SNTG2: variants seen among roughly 807,000 people sequenced by gnomAD.
SNTG2 encodes the protein gamma-2-syntrophin.
In SNTG2, 74 loss-of-function variants were observed where a neutral mutation model predicts 70.9. The observed-to-expected ratio is 1.04, with a 90% CI of 0.86 to 1.27. SNTG2 has a LOEUF of 1.27. Ranked by LOEUF, SNTG2 falls within the 50% of genes most tolerant of loss-of-function variation. The pLI, the probability that SNTG2 is intolerant of heterozygous loss-of-function variation, is 0.00. For synonymous variants in SNTG2, 278 were observed against 273.8 expected, an observed-to-expected ratio of 1.02 and a Z score of -0.15; for missense variants, 717 against 690.7, an observed-to-expected ratio of 1.04 and a Z score of -0.43.
intron 9 of SNTG2, among the ~76,000 whole-genome samples, chr2:1,230,321 C>T (rs928782718): frequency 2.6e-5 from 4 of 152,170 alleles, no homozygotes; most frequent in Admixed American, 6.5e-5. Flanking sequence ...CAGCCAGGAT[C>T]AGAGGGACGG....
chr2:952,695 A>G (rs532833706), intron 1 of SNTG2, among the ~76,000 whole-genome samples: 17 of 152,318 alleles, frequency 1.1e-4, no homozygotes, highest in Non-Finnish European at 1.5e-5. Flanking sequence ...AAGTATTACA[A>G]TAAGATGGAG....
At chr2:1,214,198 G>A (rs1398295724) in intron 9 of SNTG2, among the ~76,000 whole-genome samples, 1 of 152,134 alleles carries the variant, frequency 6.6e-6, no homozygotes, top group Admixed American at 6.5e-5. Flanking sequence ...CTCCATCTTT[G>A]CTTTTTATGC....
At chr2:1,138,879 C>T (rs997668575) in intron 6 of SNTG2, among the ~76,000 whole-genome samples, 7 of 152,222 alleles carry the variant, frequency 4.6e-5, no homozygotes, top group African/African-American at 1.7e-4. Flanking sequence ...ATCTGCATAG[C>T]AGTAAATTTC....
Position 1,366,765 on chromosome 2 carries a change from C to T in SNTG2, c.1489-578C>T, listed in dbSNP as rs1194051085. Among the ~76,000 whole-genome samples the T allele has an allele frequency of 1.3e-5, 2 of 151,924 alleles. 1 individual carries two copies. The highest frequency in any genetic ancestry group is 4.8e-5 in the African/African-American group (2 of 41,354). On this transcript the variant is annotated intron_variant, in intron 16 of 16. Coordinates refer to ENST00000308624, the MANE Select transcript of SNTG2 (RefSeq NM_018968.4). ...ATGAAGCCCACACGCACCCACACAGCAGGCGCTGTTCCTCCCAAGCGTGGC... is the reference window on the plus strand; with the variant it reads ...ATGAAGCCCACACGCACCCACACAGTAGGCGCTGTTCCTCCCAAGCGTGGC...
At chr2:1,088,882 G>T (rs970366561) in intron 2 of SNTG2, among the ~76,000 whole-genome samples, 1 of 152,218 alleles carries the variant, frequency 6.6e-6, no homozygotes, top group Non-Finnish European at 1.5e-5. Flanking sequence ...TTTCTTGGAT[G>T]AATTTATTTC....
chr2:1,079,326 C>T (rs1463515918), intron 1 of SNTG2, among the ~76,000 whole-genome samples: 10 of 152,224 alleles, frequency 6.6e-5, no homozygotes, highest in African/African-American at 2.4e-4. Context: ...CTGCATATTA[C>T]GGCAAATAAT....
At chr2:984,362 T>C (rs1047249157) in intron 1 of SNTG2, among the ~76,000 whole-genome samples, 3 of 150,930 alleles carry the variant, frequency 2.0e-5, no homozygotes, top group African/African-American at 2.4e-5. Flanking sequence ...AAATGGGAAG[T>C]GCGTGTTTCT....
At chr2:1,230,722 C>A (rs1047651292) in intron 9 of SNTG2, among the ~76,000 whole-genome samples, 2 of 152,222 alleles carry the variant, frequency 1.3e-5, no homozygotes, top group South Asian at 2.1e-4. Context: ...CAGACATTCC[C>A]AAGCCTAGGC....
At chr2:1,065,914 A>G (rs553046099) in intron 1 of SNTG2, among the ~76,000 whole-genome samples, 17 of 152,322 alleles carry the variant, frequency 1.1e-4, no homozygotes, top group African/African-American at 4.1e-4. Context: ...CCAAATGAAG[A>G]TAACTTACAG....
intron 1 of SNTG2, among the ~76,000 whole-genome samples, chr2:1,060,771 C>T (rs780423096): frequency 6.6e-6 from 1 of 152,116 alleles, no homozygotes; most frequent in Non-Finnish European, 1.5e-5. Context: ...TAGTTAGATG[C>T]CAACTAACAA....
rs1461827425 is a variant in SNTG2, at chr2:1,018,788, G to A, written c.73-64730G>A. On this transcript the variant is annotated intron_variant, in intron 1 of 16. Transcript: ENST00000308624. ...AGATTGCGTGATTTTTTTGTAAAAT[G>A]TTGGCAAAGGCCTGAGCACAACGTG... 2.6e-5 allele frequency among the ~76,000 whole-genome samples: 4 copies of A among 152,202 alleles called. No individual in the cohort carries two copies. The East Asian group carries it at 5.8e-4, about 22-fold the overall frequency.
At chr2:1,225,234 C>T (rs1411212445) in intron 9 of SNTG2, among the ~76,000 whole-genome samples, 1 of 152,178 alleles carries the variant, frequency 6.6e-6, no homozygotes, top group Non-Finnish European at 1.5e-5. Context: ...GCTAAAACCA[C>T]TGCAGCATAT....
At chr2:1,149,968 C>G (rs1174790537) in intron 6 of SNTG2, among the ~76,000 whole-genome samples, 1 of 152,120 alleles carries the variant, frequency 6.6e-6, no homozygotes, top group Non-Finnish European at 1.5e-5. Context: ...AATTACAGGC[C>G]TGAGCCACCG....
intron 8 of SNTG2, among the ~76,000 whole-genome samples, chr2:1,208,743 G>T (rs573514448): frequency 6.6e-6 from 1 of 152,106 alleles, no homozygotes; most frequent in Non-Finnish European, 1.5e-5. Flanking sequence ...ACCTAAACTC[G>T]CTGAGTGGAC....
chr2:1,210,026 A>G (rs28640184), intron 9 of SNTG2, among the ~76,000 whole-genome samples: 26,699 of 152,144 alleles, frequency 0.18, 4,579 homozygotes, highest in African/African-American at 0.45. Context: ...AGTATGTATG[A>G]TGGGCAGACA....
At chr2:973,359 G>GT (rs1354106146) in intron 1 of SNTG2, among the ~76,000 whole-genome samples, 1 of 152,052 alleles carries the variant, frequency 6.6e-6, no homozygotes, top group Non-Finnish European at 1.5e-5. Context: ...TTTTTTCAGT[G>GT]TTTTTTGTTT....
At chr2:1,134,841 C>T (rs1050463612) in intron 4 of SNTG2, among the ~76,000 whole-genome samples, 10 of 152,254 alleles carry the variant, frequency 6.6e-5, no homozygotes, top group Middle Eastern at 3.4e-3. Context: ...TCAGGCATGG[C>T]GGGCTGCAGG....
chr2:960,160 C>T (rs1052230721), intron 1 of SNTG2, among the ~76,000 whole-genome samples: 9 of 152,300 alleles, frequency 5.9e-5, no homozygotes, highest in South Asian at 4.1e-4. Flanking sequence ...GTTAATGACA[C>T]GGTCCTTTGC....
intron 16 of SNTG2, among the ~76,000 whole-genome samples, chr2:1,357,079 G>T (rs1318068248): frequency 2.0e-5 from 3 of 151,970 alleles, no homozygotes; most frequent in Admixed American, 6.6e-5. Context: ...AATCTTTAGG[G>T]TTATCTACAT....
Sources: allele counts gnomAD v4.1 joint callset (sites outside exome capture counted in the v4.1 genomes callset), GRCh38; gene constraint gnomAD v4.1.1; transcripts MANE v1.5; gene names NCBI Gene and HGNC (gene_info 2026-07-23, HGNC 2026-07-21).